The following NELL1 variants were observed in gnomAD, a reference collection of about 807,000 sequenced individuals.
The protein encoded by NELL1 is protein kinase C-binding protein NELL1.
In NELL1, 76 loss-of-function variants were observed where a neutral mutation model predicts 107.4. That is an observed-to-expected ratio of 0.71 (90% CI 0.59 to 0.86). The LOEUF is 0.86. Ranked by LOEUF, NELL1 falls within the 40% of genes least tolerant of loss-of-function variation. The probability of loss-of-function intolerance (pLI) is 0.00; values close to 1 mark genes in which losing one functional copy is unlikely to be tolerated. For synonymous variants in NELL1, 353 were observed against 341.2 expected (o/e 1.03, Z -0.38); for missense variants, 1,024 against 1,005.5 (o/e 1.02, Z -0.25).
chr11:21,289,732 C>T (rs1235604543), intron 14 of NELL1, among the ~76,000 whole-genome samples: 10 of 152,162 alleles, frequency 6.6e-5, no homozygotes, highest in South Asian at 2.1e-4. Flanking sequence ...TCCACCCCTA[C>T]GGAGCCCAAG....
chr11:21,419,880 T>C (rs929936132), intron 15 of NELL1, among the ~76,000 whole-genome samples: 7 of 152,190 alleles, frequency 4.6e-5, no homozygotes, highest in African/African-American at 1.7e-4. Flanking sequence ...TACAAAGCTC[T>C]TTTCCACTGC....
At chr11:21,275,530 A>C (rs1247803060) in intron 14 of NELL1, among the ~76,000 whole-genome samples, 2 of 152,212 alleles carry the variant, frequency 1.3e-5, no homozygotes, top group Admixed American at 1.3e-4. Flanking sequence ...AAAAGAGGGA[A>C]TCCTCCCTAG....
At chr11:20,756,883 G>T (rs1191335853) in intron 2 of NELL1, among the ~76,000 whole-genome samples, 1 of 152,068 alleles carries the variant, frequency 6.6e-6, no homozygotes, top group Non-Finnish European at 1.5e-5. Context: ...TGCATTTTAC[G>T]AGGAAAATTC....
chr11:20,716,768 A>G (rs577072988), intron 2 of NELL1, among the ~76,000 whole-genome samples: 42 of 152,236 alleles, frequency 2.8e-4, no homozygotes, highest in Non-Finnish European at 4.1e-4. Context: ...CCATTTGTAA[A>G]TAGAGTGTCT....
rs950063161 is a variant in NELL1, at chr11:21,360,451, A to G, written c.1550-10402A>G. Among the ~76,000 whole-genome samples the G allele has an allele frequency of 2.0e-5, 3 of 152,270 alleles. No individual in the cohort carries two copies. The East Asian group carries it at 5.8e-4, about 29-fold the overall frequency. ...CAATGTTTCATGTATTGAAGAAAAGAATGTATATTATACAGTTGTTGGGTA... is the reference window on the plus strand; with the variant it reads ...CAATGTTTCATGTATTGAAGAAAAGGATGTATATTATACAGTTGTTGGGTA... On this transcript the variant is annotated intron_variant, in intron 14 of 19. Coordinates refer to ENST00000357134, the MANE Select transcript of NELL1 (RefSeq NM_006157.5).
chr11:21,147,269 T>A (rs1856002695), intron 13 of NELL1, among the ~76,000 whole-genome samples: 1 of 151,986 alleles, frequency 6.6e-6, no homozygotes, highest in South Asian at 2.1e-4. Flanking sequence ...TTGCTGAGAG[T>A]TTTCTCAGAG....
intron 2 of NELL1, among the ~76,000 whole-genome samples, chr11:20,761,866 C>A (rs1397176317): frequency 6.6e-6 from 1 of 152,208 alleles, no homozygotes; most frequent in Non-Finnish European, 1.5e-5. Context: ...TTTTGCAGAG[C>A]CACACATTAT....
At chr11:21,552,144 G>C (rs1181813957) in intron 16 of NELL1, among the ~76,000 whole-genome samples, 6 of 114,300 alleles carry the variant, frequency 5.2e-5, no homozygotes, top group Non-Finnish European at 1.8e-5. Flanking sequence ...TTGTGGGGTG[G>C]GGGGAGGGGG....
chr11:21,093,837 G>C (rs924615387), intron 12 of NELL1, among the ~76,000 whole-genome samples: 2 of 152,076 alleles, frequency 1.3e-5, no homozygotes, highest in African/African-American at 4.8e-5. Context: ...CTCCCACTGG[G>C]TCCTTCACAC....
At chr11:21,474,383 C>CT (rs1443168287) in intron 15 of NELL1, among the ~76,000 whole-genome samples, 1 of 151,916 alleles carries the variant, frequency 6.6e-6, no homozygotes, top group Non-Finnish European at 1.5e-5. Context: ...TCTGTGTTCC[C>CT]TTTATAAGAT....
At chr11:21,410,130 G>A (rs1852339476) in intron 15 of NELL1, among the ~76,000 whole-genome samples, 2 of 151,696 alleles carry the variant, frequency 1.3e-5, no homozygotes, top group South Asian at 2.1e-4. Flanking sequence ...TTTTTAAGTG[G>A]GACATTGTTT....
At chr11:21,511,009 T>C (rs1322091678) in intron 15 of NELL1, among the ~76,000 whole-genome samples, 1 of 152,228 alleles carries the variant, frequency 6.6e-6, no homozygotes, top group Non-Finnish European at 1.5e-5. Flanking sequence ...AGGTTCAAAC[T>C]TCTCTGAGAC....
At position 21,384,552 on chromosome 11, in the gene NELL1, C is replaced by T. The variant is rs186136219; in HGVS notation, c.1645+13604C>T. 3.9e-5 allele frequency among the ~76,000 whole-genome samples: 6 copies of T among 152,052 alleles called. No homozygotes were observed. The East Asian group carries it at 1.2e-3, about 30-fold the overall frequency. ...TGCTGGTGCGCTGCACCCACTAACTCGTCATCTAGCATTAGGTATATCTCC... is the reference window on the plus strand; with the variant it reads ...TGCTGGTGCGCTGCACCCACTAACTTGTCATCTAGCATTAGGTATATCTCC... On this transcript the variant is annotated intron_variant, in intron 15 of 19. Coordinates refer to ENST00000357134, the MANE Select transcript of NELL1 (RefSeq NM_006157.5).
intron 14 of NELL1, among the ~76,000 whole-genome samples, chr11:21,278,688 T>C (rs1340500614): frequency 2.0e-5 from 3 of 152,190 alleles, no homozygotes; most frequent in Non-Finnish European, 4.4e-5. Flanking sequence ...AGACTCAATA[T>C]TGTTAGGATG....
At chr11:21,455,670 T>A (rs1462879209) in intron 15 of NELL1, among the ~76,000 whole-genome samples, 1 of 152,098 alleles carries the variant, frequency 6.6e-6, no homozygotes, top group African/African-American at 2.4e-5. Context: ...CTGGTTTTCA[T>A]CCATTTTGAT....
intron 2 of NELL1, among the ~76,000 whole-genome samples, chr11:20,686,762 A>G (rs1715261): frequency 0.21 from 31,681 of 152,062 alleles, 3,597 homozygotes; most frequent in African/African-American, 0.27. Context: ...ACAAGGAGGA[A>G]GCTTTAGGCT....
At chr11:20,970,662 G>A (rs1337961772) in intron 12 of NELL1, among the ~76,000 whole-genome samples, 4 of 152,166 alleles carry the variant, frequency 2.6e-5, no homozygotes, top group African/African-American at 9.6e-5. Flanking sequence ...AGGGGGATCA[G>A]CAGATACAAA....
intron 17 of NELL1, among the ~76,000 whole-genome samples, chr11:21,565,288 C>T (rs778828148): frequency 4.6e-5 from 7 of 151,718 alleles, no homozygotes; most frequent in South Asian, 4.1e-4. Flanking sequence ...AGGAACAGGG[C>T]GTCTCTTTCT....
At chr11:21,366,592 C>T (rs922267226) in intron 14 of NELL1, among the ~76,000 whole-genome samples, 3 of 152,002 alleles carry the variant, frequency 2.0e-5, no homozygotes, top group African/African-American at 7.2e-5. Flanking sequence ...ATCCTTCTGC[C>T]TCTTCCACTT....
Sources: gnomAD v4.1 joint callset for allele counts (sites outside exome capture counted in the v4.1 genomes callset) on GRCh38, gnomAD v4.1.1 for gene constraint, MANE v1.5 for transcripts, NCBI Gene and HGNC (gene_info 2026-07-23, HGNC 2026-07-21) for gene names.